C3orf20: variants seen among roughly 807,000 people sequenced by gnomAD.
The protein encoded by C3orf20 is family with sequence similarity 149 member C, also known as uncharacterized protein C3orf20.
C3orf20 carries 76 observed loss-of-function variants against 88.3 expected under a neutral mutation model. That is an observed-to-expected ratio of 0.86 (90% confidence interval 0.72 to 1.04). C3orf20 has a LOEUF of 1.04. Ranked by LOEUF, C3orf20 falls within the 50% of genes least tolerant of loss-of-function variation. C3orf20 has a pLI of 0.00. For missense variants in C3orf20, 1,056 were observed against 1,123.3 expected, an observed-to-expected ratio of 0.94 and a Z score of 0.86; for synonymous variants, 436 against 437.4, an observed-to-expected ratio of 1.00 and a Z score of 0.04.
At chr3:14,700,604 T>C (rs576086853) in intron 5 of C3orf20, among the ~76,000 whole-genome samples, 5 of 152,364 alleles carry the variant, frequency 3.3e-5, no homozygotes, top group South Asian at 4.1e-4. Flanking sequence ...AACTTTTAGC[T>C]GCCTTGTTGC....
chr3:14,772,256 G>A lies in C3orf20; in HGVS notation c.2630+55G>A. The A allele has an allele frequency of 6.2e-7, 1 of 1,611,938 alleles. No homozygotes were observed. Among genetic ancestry groups the A allele is most frequent in the Non-Finnish European group, 8.5e-7 (1 of 1,178,696 alleles). On this transcript the variant is annotated intron_variant, in intron 16 of 16. Coordinates refer to ENST00000253697, the MANE Select transcript of C3orf20 (RefSeq NM_032137.5). This position sits in a 1 kb window ranked among gnomAD's most constrained non-coding sequence, Gnocchi z 4.2. ...GCGTGGCTCACAGCAGGCCACCTCG[G>A]GGCTATTTGGCCTTGGGCAAGTCAC...
At position 14,757,644 on chromosome 3, in the gene C3orf20, G is replaced by A. The variant is rs1169216606; in HGVS notation, c.2214G>A (p.Gln738=). The A allele has an allele frequency of 6.2e-7, 1 of 1,610,996 alleles. No homozygotes were observed. The highest frequency in any genetic ancestry group is 8.5e-7 in the Non-Finnish European group (1 of 1,177,770). The change falls in exon 13 of 17, where the codon CAG becomes CAA. Residue 738 remains glutamine, a synonymous_variant. Coordinates refer to ENST00000253697, the MANE Select transcript of C3orf20 (RefSeq NM_032137.5). ...QWLLNTLYNH[Q]QRGRGSPCIQ... is the part of the protein sequence containing the mutation. ...TGCTGAACACTCTCTACAACCACCA[G>A]CAGCGGGGCCGTGGCTCCCCCTGCA...
intron 15 of C3orf20, among the ~76,000 whole-genome samples, chr3:14,766,242 G>T (rs1158219090): frequency 2.0e-5 from 3 of 152,206 alleles, no homozygotes; most frequent in Admixed American, 2.0e-4. Flanking sequence ...CCTGTGCGGG[G>T]CGCTGGGTCA....
intron 12 of C3orf20, among the ~76,000 whole-genome samples, chr3:14,742,163 C>T (rs11925761): frequency 0.015 from 2,356 of 152,170 alleles, 55 homozygotes; most frequent in African/African-American, 0.054. Flanking sequence ...TGACAAAAAC[C>T]GCAATACTTT....
intron 12 of C3orf20, among the ~76,000 whole-genome samples, chr3:14,741,016 A>G (rs2034883650): frequency 6.6e-6 from 1 of 152,178 alleles, no homozygotes; most frequent in Admixed American, 6.5e-5. Context: ...TGTATCTAAT[A>G]TTCTTTAGTA....
At chr3:14,705,829 A>G (rs1243667979) in intron 7 of C3orf20, among the ~76,000 whole-genome samples, 3 of 152,136 alleles carry the variant, frequency 2.0e-5, no homozygotes, top group Non-Finnish European at 4.4e-5. Context: ...GAAAACTGAG[A>G]CCCAAAGGCA....
chr3:14,693,818 G>A (rs1353277690), intron 5 of C3orf20, among the ~76,000 whole-genome samples: 1 of 152,060 alleles, frequency 6.6e-6, no homozygotes, highest in Non-Finnish European at 1.5e-5. Context: ...TATGATATTA[G>A]GTATGAATCT....
At chr3:14,727,064 C>A in intron 11 of C3orf20, 40 bp downstream of exon 11, 1 of 1,611,602 alleles carries the variant, frequency 6.2e-7, no homozygotes, top group Non-Finnish European at 8.5e-7. Context: ...TATCTGTTGG[C>A]TTCCCCAGTC....
intron 15 of C3orf20, among the ~76,000 whole-genome samples, chr3:14,769,010 C>T (rs772390478): frequency 3.3e-5 from 5 of 152,046 alleles, no homozygotes; most frequent in Admixed American, 1.3e-4. Context: ...CTGGCCTAGT[C>T]GTTCACGATC....
At chr3:14,762,237 T>C (rs147199355) in intron 15 of C3orf20, among the ~76,000 whole-genome samples, 75 of 152,308 alleles carry the variant, frequency 4.9e-4, no homozygotes, top group African/African-American at 1.8e-3. Flanking sequence ...CCCAGGCCCC[T>C]GTAGCAGGAA....
chr3:14,738,727 G>A (rs1326887028), intron 12 of C3orf20, among the ~76,000 whole-genome samples: 6 of 111,540 alleles, frequency 5.4e-5, no homozygotes, highest in East Asian at 6.6e-4. Flanking sequence ...CGCAACCTCC[G>A]GCTCCTGGGT....
intron 7 of C3orf20, among the ~76,000 whole-genome samples, chr3:14,707,915 G>A (rs1264714742): frequency 6.8e-6 from 1 of 147,210 alleles, no homozygotes; most frequent in Non-Finnish European, 1.5e-5. Flanking sequence ...TGCCTCCTGG[G>A]TTCAAGCGAT....
At chr3:14,763,196 G>T (rs2035607857) in intron 15 of C3orf20, among the ~76,000 whole-genome samples, 1 of 152,186 alleles carries the variant, frequency 6.6e-6, no homozygotes. Context: ...ACCAGCAAGG[G>T]CATTTTCAGA....
chr3:14,751,412 C>A (rs372469312), intron 12 of C3orf20, among the ~76,000 whole-genome samples: 1 of 152,288 alleles, frequency 6.6e-6, no homozygotes, highest in East Asian at 1.9e-4. Context: ...TAAAGCAGGG[C>A]AGGGTGTCGC....
chr3:14,762,844 A>G (rs975653873), intron 15 of C3orf20, among the ~76,000 whole-genome samples: 1 of 152,194 alleles, frequency 6.6e-6, no homozygotes, highest in East Asian at 1.9e-4. Flanking sequence ...CAGTAAGCTG[A>G]GTCTGGGCCT....
intron 12 of C3orf20, among the ~76,000 whole-genome samples, chr3:14,744,971 G>A (rs2035019093): frequency 6.6e-6 from 1 of 152,206 alleles, no homozygotes; most frequent in African/African-American, 2.4e-5. Flanking sequence ...CCTGTGAATA[G>A]CAAATACTGT....
chr3:14,756,028 C>CAAAAA (rs56242160), intron 12 of C3orf20, among the ~76,000 whole-genome samples: 78 of 72,592 alleles, frequency 1.1e-3, no homozygotes, highest in Middle Eastern at 0.011. Flanking sequence ...GACTCCATCT[C>CAAAAA]AAAAAAAAAA....
chr3:14,757,922 C>T (rs2035430641), intron 13 of C3orf20, among the ~76,000 whole-genome samples: 3 of 152,230 alleles, frequency 2.0e-5, no homozygotes, highest in Non-Finnish European at 4.4e-5. Flanking sequence ...GCCAGGCCCT[C>T]TTCTGACCCT....
At chr3:14,766,803 A>G (rs1163617091) in intron 15 of C3orf20, among the ~76,000 whole-genome samples, 1 of 152,090 alleles carries the variant, frequency 6.6e-6, no homozygotes, top group Non-Finnish European at 1.5e-5. Context: ...GTAGGTGAAG[A>G]GGTGGGGCGC....
Sources: gnomAD v4.1 joint callset for allele counts (sites outside exome capture counted in the v4.1 genomes callset) on GRCh38, gnomAD v4.1.1 for gene constraint, Gnocchi (gnomAD v3.1) non-coding constraint, MANE v1.5 for transcripts, NCBI Gene and HGNC (gene_info 2026-07-23, HGNC 2026-07-21) for gene names.